Variants in MED12L observed in about 807,000 individuals in gnomAD.
MED12L encodes mediator complex subunit 12L.
Under a neutral mutation model 281.3 loss-of-function variants are expected in MED12L, and 60 were observed. The ratio of observed to expected loss-of-function variants is 0.21; its 90% confidence interval spans 0.17 to 0.26. The LOEUF (loss-of-function observed/expected upper bound fraction) is 0.26. Among genes scored for constraint, MED12L ranks in the 10% least tolerant of loss-of-function variants. The pLI, the probability that MED12L is intolerant of heterozygous loss-of-function variation, is 1.00. For missense variants in MED12L, 2,146 were observed against 2,680.9 expected, an observed-to-expected ratio of 0.80 and a Z score of 4.41; for synonymous variants, 974 against 987.2, an observed-to-expected ratio of 0.99 and a Z score of 0.25.
chr3:151,304,939 G>T (rs1055188825), intron 16 of MED12L, among the ~76,000 whole-genome samples: 1 of 152,172 alleles, frequency 6.6e-6, no homozygotes, highest in Non-Finnish European at 1.5e-5. Flanking sequence ...GTGGATCCTT[G>T]CACCTTGTTT....
At chr3:151,416,289 T>C in intron 42 of MED12L, 23 bp from the exon 43 acceptor site, 1 of 1,612,636 alleles carries the variant, frequency 6.2e-7, no homozygotes, top group South Asian at 1.1e-5. Context: ...TTTAAGTGTA[T>C]AACATTTTTA....
At chr3:151,310,684 C>T (rs1332529521) in intron 16 of MED12L, among the ~76,000 whole-genome samples, 2 of 152,166 alleles carry the variant, frequency 1.3e-5, no homozygotes, top group Admixed American at 6.5e-5. Context: ...TTTAATTTCC[C>T]ACCATTCTTT....
chr3:151,236,622 C>G (rs772667366), intron 16 of MED12L, among the ~76,000 whole-genome samples: 1 of 152,164 alleles, frequency 6.6e-6, no homozygotes, highest in Non-Finnish European at 1.5e-5. Flanking sequence ...GTTCTTCAAT[C>G]TTTCACTTTT....
At chr3:151,252,806 C>G (rs144977788) in intron 16 of MED12L, among the ~76,000 whole-genome samples, 1 of 152,024 alleles carries the variant, frequency 6.6e-6, no homozygotes, top group African/African-American at 2.4e-5. Context: ...TAGAACTTAT[C>G]TAGAAAACCT....
At chr3:151,206,376 A>G (rs914132443) in intron 16 of MED12L, among the ~76,000 whole-genome samples, 7 of 151,958 alleles carry the variant, frequency 4.6e-5, no homozygotes, top group Non-Finnish European at 7.4e-5. Context: ...GGCTGGGTAC[A>G]TTACCCTGTC....
At chr3:151,201,855 G>A (rs1029183980) in intron 16 of MED12L, among the ~76,000 whole-genome samples, 11 of 152,128 alleles carry the variant, frequency 7.2e-5, no homozygotes, top group Non-Finnish European at 1.3e-4. Flanking sequence ...TTTGGCTTAC[G>A]CACTTCTATT....
chr3:151,193,371 A>T (rs1559861340), intron 15 of MED12L, 119 bp from the exon 16 acceptor site: 2 of 674,068 alleles, frequency 3.0e-6, no homozygotes, highest in African/African-American at 1.8e-5. Flanking sequence ...TTTTTTGCTA[A>T]GTGGTTAAGT....
chr3:151,221,338 C>T (rs1402423087), intron 16 of MED12L, among the ~76,000 whole-genome samples: 6 of 152,180 alleles, frequency 3.9e-5, no homozygotes. Flanking sequence ...AAGTTCAAGC[C>T]GGCTGCAGAA....
intron 16 of MED12L, among the ~76,000 whole-genome samples, chr3:151,342,397 A>G (rs970898456): frequency 3.3e-5 from 5 of 152,138 alleles, no homozygotes; most frequent in Non-Finnish European, 5.9e-5. Context: ...GTATTTGTCT[A>G]TGTCTTTACA....
At position 151,383,858 on chromosome 3, in the gene MED12L, C is replaced by T. The variant is rs1458009806; in HGVS notation, c.4760C>T (p.Thr1587Ile). 9 of 1,613,772 alleles carry T rather than the reference C, an allele frequency of 5.6e-6. No individual in the cohort carries two copies. In the Admixed American group the frequency reaches 1.5e-4, roughly 27 times the overall value. Residue 1587 changes from threonine (T) to isoleucine (I), a missense_variant, in exon 34 of 45, where the codon ACT becomes ATT. Thr to Ile is a moderately conservative substitution (Grantham distance 89). Transcript: ENST00000687756. ...DWALLLLQII[T>I]SGTVDMHTNN... ...GCCCTGCTACTCCTTCAGATCATTA[C>T]TTCAGGAACTGTTGACATGCACACT...
intron 43 of MED12L, among the ~76,000 whole-genome samples, chr3:151,429,499 C>T (rs1036164011): frequency 3.9e-5 from 6 of 152,122 alleles, no homozygotes; most frequent in African/African-American, 1.2e-4. Context: ...AAGGAGAAAA[C>T]GATAGTCTGA....
chr3:151,246,972 C>T (rs1249631335), intron 16 of MED12L, among the ~76,000 whole-genome samples: 1 of 152,168 alleles, frequency 6.6e-6, no homozygotes, highest in Non-Finnish European at 1.5e-5. Flanking sequence ...CACGAACAGA[C>T]ACTTCTCAAA....
intron 16 of MED12L, among the ~76,000 whole-genome samples, chr3:151,255,319 G>A (rs938940369): frequency 1.3e-5 from 2 of 152,112 alleles, no homozygotes; most frequent in Middle Eastern, 3.2e-3. Context: ...GACATGCAGT[G>A]TGACTTAAAT....
intron 38 of MED12L, among the ~76,000 whole-genome samples, chr3:151,390,372 GA>G (rs1714041973): frequency 6.6e-6 from 1 of 152,210 alleles, no homozygotes; most frequent in African/African-American, 2.4e-5. Flanking sequence ...AGCTAGTGAT[GA>G]AAATCTAAGC....
At chr3:151,305,360 G>GT (rs922369682) in intron 16 of MED12L, among the ~76,000 whole-genome samples, 9 of 152,074 alleles carry the variant, frequency 5.9e-5, no homozygotes, top group African/African-American at 1.9e-4. Context: ...TTAGAGACCT[G>GT]TTTTTTTTCC....
chr3:151,427,574 T>C (rs192496723), intron 43 of MED12L, among the ~76,000 whole-genome samples: 1 of 152,344 alleles, frequency 6.6e-6, no homozygotes, highest in Admixed American at 6.5e-5. Context: ...TATGTGTTTG[T>C]TGAGTGAATA....
chr3:151,333,773 T>C (rs185486726), intron 16 of MED12L, among the ~76,000 whole-genome samples: 1 of 152,304 alleles, frequency 6.6e-6, no homozygotes, highest in Admixed American at 6.5e-5. Flanking sequence ...TACCAATTTA[T>C]TGTTCAATTA....
intron 11 of MED12L, 85 bp downstream of exon 11, chr3:151,166,067 C>A: frequency 8.4e-7 from 1 of 1,191,186 alleles, no homozygotes. Context: ...TCTGGCGAAA[C>A]CTTTTCTATG....
At chr3:151,103,230 A>G (rs1255695620) in intron 2 of MED12L, among the ~76,000 whole-genome samples, 1 of 152,166 alleles carries the variant, frequency 6.6e-6, no homozygotes, top group Non-Finnish European at 1.5e-5. Context: ...TTTCTCCTGC[A>G]GTTTCCTAGA....
Sources: allele counts gnomAD v4.1 joint callset (sites outside exome capture counted in the v4.1 genomes callset), GRCh38; gene constraint gnomAD v4.1.1; transcripts MANE v1.5; gene names NCBI Gene and HGNC (gene_info 2026-07-23, HGNC 2026-07-21).